Variants in CCNH observed in about 807,000 individuals in gnomAD.
CCNH encodes the protein cyclin-H.
In CCNH, 31 loss-of-function variants were observed where a neutral mutation model predicts 41.9. That is an observed-to-expected ratio of 0.74 (90% CI 0.56 to 1.00). The LOEUF (loss-of-function observed/expected upper bound fraction) is 1.00. CCNH is among the 50% of genes least tolerant of loss of function. The probability of loss-of-function intolerance (pLI) is 0.00; values close to 1 mark genes in which losing one functional copy is unlikely to be tolerated. For synonymous variants in CCNH, 138 were observed against 136.1 expected (o/e 1.01, Z -0.10); for missense variants, 362 against 388.4 (o/e 0.93, Z 0.57).
At chr5:87,338,501 T>TCA (rs1758145773) in intron 9 of CCNH, among the ~76,000 whole-genome samples, 1 of 75,682 alleles carries the variant, frequency 1.3e-5, no homozygotes, top group Non-Finnish European at 2.5e-5. Flanking sequence ...CCAGCTAATT[T>TCA]TATATATATA....
intron 1 of CCNH, 143 bp from the exon 2 acceptor site, chr5:87,411,489 T>A (rs1342181345): frequency 4.5e-6 from 3 of 670,338 alleles, no homozygotes; most frequent in Non-Finnish European, 7.0e-6. Context: ...ATAGATTCGC[T>A]AATCATTACA....
In CCNH at chr5:87,412,842, C is replaced by A; in HGVS notation, c.-48G>T. The A allele has an allele frequency of 6.3e-7, 1 of 1,595,360 alleles. No homozygotes were observed. Among genetic ancestry groups the A allele is most frequent in the Non-Finnish European group, 8.6e-7 (1 of 1,165,544 alleles). ...GAGGGTCTGCAGACGAGAACCCAAA[C>A]GCATCAGCGTCCTGGCGTAAAACAC... On this transcript the variant is annotated 5_prime_UTR_variant, in exon 1 of 9. Coordinates refer to ENST00000256897, the MANE Select transcript of CCNH (RefSeq NM_001239.4).
At chr5:87,371,863 C>T (rs757072350), downstream of CCNH, among the ~76,000 whole-genome samples, 4 of 151,968 alleles carry the variant, frequency 2.6e-5, no homozygotes, top group Non-Finnish European at 5.9e-5. Context: ...AATGGCCACT[C>T]GATGTGTTTC....
At chr5:87,329,261 A>G (rs1239983132) in intron 9 of CCNH, among the ~76,000 whole-genome samples, 1 of 150,314 alleles carries the variant, frequency 6.7e-6, no homozygotes, top group African/African-American at 2.5e-5. Context: ...CCTGGGTGAC[A>G]TGGCAAAACT....
rs960236167 is a variant in CCNH, at chr5:87,332,413, T to C, written c.*91-13516A>G. The C allele has an allele frequency of 3.1e-6, 4 of 1,270,294 alleles. No homozygotes were observed. The East Asian group carries it at 7.5e-5, about 24-fold the overall frequency. 78.7% of individuals were successfully genotyped at this position (1,270,294 alleles called of 1,614,324 possible). A position where few individuals can be genotyped will look rare whatever the true frequency, so the allele number is the denominator to read the frequency against. On this transcript the variant is annotated intron_variant and NMD_transcript_variant, in intron 9 of 9. Transcript: ENST00000645953. ...GGATATAGTTACAAGGAAAAGAGTA[T>C]GGAAATTATGGATTTATAATTTCTT...
At chr5:87,380,496 G>A (rs746835418), upstream of CCNH, 1 of 1,603,972 alleles carries the variant, frequency 6.2e-7, no homozygotes, top group East Asian at 2.2e-5. Context: ...AGATGATTGT[G>A]TTATTTTGGC....
Position 87,353,278 on chromosome 5 carries a change from T to TA in CCNH, c.*91-34382dup, listed in dbSNP as rs772470118. On this transcript the variant is annotated intron_variant and NMD_transcript_variant, in intron 9 of 9. Coordinates refer to the CCNH transcript ENST00000645953. ...TATTGCAATAATTAGCATTTTATTT[T>TA]AAAATGCATTTTGGTGGTATGTTTT... 10 of 1,466,208 alleles carry TA rather than the reference T, an allele frequency of 6.8e-6. No individual in the cohort carries two copies. The Admixed American group carries it at 1.5e-4, about 22-fold the overall frequency. 90.8% of individuals were successfully genotyped at this position (1,466,208 alleles called of 1,614,324 possible).
At chr5:87,398,630 A>T (rs1403457436) in intron 7 of CCNH, among the ~76,000 whole-genome samples, 1 of 152,178 alleles carries the variant, frequency 6.6e-6, no homozygotes, top group Non-Finnish European at 1.5e-5. Context: ...ATTAAGAGAC[A>T]TTAAAGGTGT....
chr5:87,397,589 C>G (rs1763068509), intron 7 of CCNH, among the ~76,000 whole-genome samples: 1 of 152,098 alleles, frequency 6.6e-6, no homozygotes, highest in Admixed American at 6.5e-5. Context: ...AAGTATACAT[C>G]TAGTGATTTT....
At chr5:87,387,476 A>C (rs895010159), downstream of CCNH, among the ~76,000 whole-genome samples, 1 of 152,134 alleles carries the variant, frequency 6.6e-6, no homozygotes, top group African/African-American at 2.4e-5. Flanking sequence ...AATCAAGTTA[A>C]ATTTTCATGA....
chr5:87,338,462 G>A (rs1456112602), intron 9 of CCNH, among the ~76,000 whole-genome samples: 4 of 140,734 alleles, frequency 2.8e-5, no homozygotes, highest in Non-Finnish European at 4.6e-5. Context: ...CACCCAGCTA[G>A]CTGGGATTAC....
At chr5:87,385,402 T>C in intron 9 of CCNH, 1 of 1,560,348 alleles carries the variant, frequency 6.4e-7, no homozygotes. Flanking sequence ...AAAAACATTT[T>C]GATACTTTAA....
intron 7 of CCNH, among the ~76,000 whole-genome samples, chr5:87,397,132 G>A (rs1360659282): frequency 6.6e-6 from 1 of 152,026 alleles, no homozygotes; most frequent in East Asian, 1.9e-4. Context: ...TTTGCAGTGA[G>A]TTAAGTACAG....
downstream of CCNH, among the ~76,000 whole-genome samples, chr5:87,371,623 C>T (rs1466918307): frequency 6.6e-6 from 1 of 151,988 alleles, no homozygotes; most frequent in Non-Finnish European, 1.5e-5. Context: ...TACATTTCTA[C>T]CTGTATCATG....
At chr5:87,383,911 C>A in intron 9 of CCNH, 1 of 784,578 alleles carries the variant, frequency 1.3e-6, no homozygotes. Context: ...ATGAAGTATT[C>A]CAAAGCACCC....
At chr5:87,335,606 A>T (rs1418775600) in intron 9 of CCNH, among the ~76,000 whole-genome samples, 1 of 151,520 alleles carries the variant, frequency 6.6e-6, no homozygotes, top group Non-Finnish European at 1.5e-5. Context: ...TGATATTTTT[A>T]GTAGAGATGG....
chr5:87,388,816 G>A (rs2112522853), downstream of CCNH, among the ~76,000 whole-genome samples: 1 of 152,184 alleles, frequency 6.6e-6, no homozygotes, highest in East Asian at 1.9e-4. Flanking sequence ...TTTCATCTAG[G>A]AATTTTAAGT....
intron 9 of CCNH, among the ~76,000 whole-genome samples, chr5:87,327,542 T>C (rs1472780954): frequency 1.3e-5 from 2 of 152,206 alleles, no homozygotes; most frequent in African/African-American, 4.8e-5. Flanking sequence ...GGAGGTTTCT[T>C]GGGTTTCTGT....
chr5:87,348,866 A>G (rs1308162250), intron 9 of CCNH, among the ~76,000 whole-genome samples: 7 of 152,008 alleles, frequency 4.6e-5, no homozygotes. Flanking sequence ...AGATTTACAT[A>G]CAGAATTTAG....
Sources: allele counts gnomAD v4.1 joint callset (sites outside exome capture counted in the v4.1 genomes callset), GRCh38; gene constraint gnomAD v4.1.1; transcripts MANE v1.5; gene names NCBI Gene and HGNC (gene_info 2026-07-23, HGNC 2026-07-21).